CNTNAP5: variants seen among roughly 807,000 people sequenced by gnomAD.
CNTNAP5 encodes contactin associated protein family member 5.
A neutral mutation model predicts 150.2 loss-of-function variants in CNTNAP5; 72 were observed. The ratio of observed to expected loss-of-function variants is 0.48; its 90% CI spans 0.40 to 0.58. CNTNAP5 has a LOEUF of 0.58. CNTNAP5 is among the 20% of genes least tolerant of loss of function. The pLI is 0.00. For synonymous variants in CNTNAP5, 672 were observed against 619.8 expected (o/e 1.08, Z -1.25); for missense variants, 1,636 against 1,626.2 (o/e 1.01, Z -0.10).
chr2:124,617,902 T>C (rs1013720290), intron 12 of CNTNAP5, among the ~76,000 whole-genome samples: 2 of 151,966 alleles, frequency 1.3e-5, no homozygotes, highest in Admixed American at 6.6e-5. Context: ...CTCTGAAACC[T>C]GAATAGGAGT....
At chr2:124,419,140 C>CAAAAAAAA (rs778863758) in intron 4 of CNTNAP5, among the ~76,000 whole-genome samples, 3 of 28,912 alleles carry the variant, frequency 1.0e-4, no homozygotes, top group African/African-American at 3.2e-4. Context: ...GACTCCTTCT[C>CAAAAAAAA]AAAAAAAAAA....
chr2:124,722,947 T>C (rs1680077968), intron 13 of CNTNAP5, among the ~76,000 whole-genome samples: 1 of 152,186 alleles, frequency 6.6e-6, no homozygotes, highest in African/African-American at 2.4e-5. Flanking sequence ...GCAGTGTGTC[T>C]CCCATTTCTC....
chr2:124,141,009 C>T (rs1286975808), intron 1 of CNTNAP5, among the ~76,000 whole-genome samples: 1 of 55,594 alleles, frequency 1.8e-5, no homozygotes, highest in Non-Finnish European at 3.8e-5. Flanking sequence ...CCTCAGGAGC[C>T]GATGCGATCA....
At chr2:124,319,652 G>A (rs544433932) in intron 3 of CNTNAP5, among the ~76,000 whole-genome samples, 21 of 152,230 alleles carry the variant, frequency 1.4e-4, no homozygotes, top group Admixed American at 3.3e-4. Flanking sequence ...GCCTCAGCAT[G>A]GTTGACATTT....
At chr2:124,388,920 C>T (rs969761828) in intron 3 of CNTNAP5, among the ~76,000 whole-genome samples, 1 of 152,154 alleles carries the variant, frequency 6.6e-6, no homozygotes, top group East Asian at 1.9e-4. Flanking sequence ...TTGTGCTCAC[C>T]GTTATTCCTA....
intron 3 of CNTNAP5, among the ~76,000 whole-genome samples, chr2:124,368,652 G>A (rs1690437859): frequency 6.6e-6 from 1 of 152,100 alleles, no homozygotes; most frequent in South Asian, 2.1e-4. Flanking sequence ...ATACTGGTAT[G>A]GAAAACTATT....
At chr2:124,720,535 A>T (rs1446833359) in intron 13 of CNTNAP5, among the ~76,000 whole-genome samples, 1 of 152,198 alleles carries the variant, frequency 6.6e-6, no homozygotes, top group Non-Finnish European at 1.5e-5. Flanking sequence ...AGAAAAAAAA[A>T]TGACTCAGAA....
chr2:124,555,594 G>A (rs924466338), intron 10 of CNTNAP5, among the ~76,000 whole-genome samples: 1 of 152,180 alleles, frequency 6.6e-6, no homozygotes, highest in Admixed American at 6.5e-5. Context: ...TAGGTTAAAT[G>A]ATTTTATTTG....
At chr2:124,434,714 C>T in intron 5 of CNTNAP5, 27 bp downstream of exon 5, 1 of 1,571,376 alleles carries the variant, frequency 6.4e-7, no homozygotes, top group Non-Finnish European at 8.7e-7. Context: ...TCTTCCAATG[C>T]CAAGGGATGG....
intron 3 of CNTNAP5, among the ~76,000 whole-genome samples, chr2:124,326,378 A>G (rs747108958): frequency 1.3e-5 from 2 of 152,220 alleles, no homozygotes; most frequent in Non-Finnish European, 2.9e-5. Flanking sequence ...GCCTGTGCCA[A>G]CATGTGATAG....
intron 19 of CNTNAP5, among the ~76,000 whole-genome samples, chr2:124,854,736 A>G (rs576824702): frequency 2.0e-5 from 3 of 152,366 alleles, no homozygotes; most frequent in African/African-American, 4.8e-5. Flanking sequence ...AAGATGAATA[A>G]GCAACAATTC....
At position 124,545,961 on chromosome 2, in the gene CNTNAP5, C is replaced by T. The variant is rs537619999; in HGVS notation, c.1650-17256C>T. Among the ~76,000 whole-genome samples the T allele has an allele frequency of 1.7e-4, 26 of 152,162 alleles. No homozygotes were observed. In the South Asian group the frequency reaches 5.2e-3, roughly 30 times the overall value. On this transcript the variant is annotated intron_variant, in intron 10 of 23. Coordinates refer to ENST00000682447, the MANE Select transcript of CNTNAP5 (RefSeq NM_001367498.1). Reference sequence around the variant, plus strand: ...ATAAATAAAACATTGAAAGTTAGACCTCAGCCCTACCAACTGATAGCTTCA... The same window carrying T: ...ATAAATAAAACATTGAAAGTTAGACTTCAGCCCTACCAACTGATAGCTTCA...
At position 124,409,142 on chromosome 2, in the gene CNTNAP5, G is replaced by T. The variant is rs1157030206; in HGVS notation, c.382-8301G>T. Among the ~76,000 whole-genome samples, 14 of 146,556 alleles carry T rather than the reference G, an allele frequency of 9.6e-5. No homozygotes were observed. In the East Asian group the frequency reaches 2.4e-3, roughly 26 times the overall value. On this transcript the variant is annotated intron_variant, in intron 3 of 23. Transcript: ENST00000682447. ...ACTGGAAGAAAGGGTATCAGCAATG[G>T]AAGATGAAATGAAGCGAGAAGGGAA...
At chr2:124,683,705 G>A in intron 13 of CNTNAP5, among the ~76,000 whole-genome samples, 1 of 152,084 alleles carries the variant, frequency 6.6e-6, no homozygotes, top group East Asian at 1.9e-4. Context: ...GAATATTTGT[G>A]GCTTTGCTCA....
At chr2:124,699,963 C>G (rs748264719) in intron 13 of CNTNAP5, among the ~76,000 whole-genome samples, 2 of 152,158 alleles carry the variant, frequency 1.3e-5, no homozygotes, top group Non-Finnish European at 2.9e-5. Context: ...TAAATACGTT[C>G]ATCAACCCAA....
chr2:124,311,361 T>C (rs549937262), intron 3 of CNTNAP5, among the ~76,000 whole-genome samples: 1 of 152,256 alleles, frequency 6.6e-6, no homozygotes, highest in East Asian at 1.9e-4. Flanking sequence ...ACGGCCGCCT[T>C]CTCATGGAGT....
At chr2:124,367,819 T>G (rs1690416738) in intron 3 of CNTNAP5, among the ~76,000 whole-genome samples, 2 of 152,218 alleles carry the variant, frequency 1.3e-5, no homozygotes. Flanking sequence ...CTTAATGACC[T>G]TTGTTCAAGG....
intron 13 of CNTNAP5, among the ~76,000 whole-genome samples, chr2:124,683,415 G>A (rs1365937433): frequency 1.3e-5 from 2 of 151,998 alleles, no homozygotes; most frequent in Non-Finnish European, 2.9e-5. Context: ...TTTTTGGGGA[G>A]AAAAGGTGGT....
intron 12 of CNTNAP5, among the ~76,000 whole-genome samples, chr2:124,626,866 C>G (rs533853943): frequency 6.6e-6 from 1 of 152,098 alleles, no homozygotes; most frequent in African/African-American, 2.4e-5. Flanking sequence ...ACTGAGTTCC[C>G]GGTGGGAGGA....
Sources: allele counts gnomAD v4.1 joint callset (sites outside exome capture counted in the v4.1 genomes callset), GRCh38; gene constraint gnomAD v4.1.1; transcripts MANE v1.5; gene names NCBI Gene and HGNC (gene_info 2026-07-23, HGNC 2026-07-21).